The following SORCS2 variants were observed in gnomAD, a reference collection of about 807,000 sequenced individuals.
SORCS2 encodes sortilin related VPS10 domain containing receptor 2, also known as VPS10 domain-containing receptor SorCS2.
SORCS2 carries 100 observed loss-of-function variants against 141.6 expected under a neutral mutation model. The ratio of observed to expected loss-of-function variants is 0.71; its 90% CI spans 0.60 to 0.83. SORCS2 has a LOEUF of 0.83. SORCS2 is among the 40% of genes least tolerant of loss of function. The pLI, the probability that SORCS2 is intolerant of heterozygous loss-of-function variation, is 0.00. For synonymous variants in SORCS2, 789 were observed against 676.9 expected, an observed-to-expected ratio of 1.17 and a Z score of -2.57; for missense variants, 1,646 against 1,560.2, an observed-to-expected ratio of 1.05 and a Z score of -0.93.
At chr4:7,356,143 T>C (rs1253161153) in intron 1 of SORCS2, among the ~76,000 whole-genome samples, 1 of 152,250 alleles carries the variant, frequency 6.6e-6, no homozygotes, top group Non-Finnish European at 1.5e-5. Flanking sequence ...AGAGAGGCTC[T>C]TTCTCCTGCC....
intron 2 of SORCS2, among the ~76,000 whole-genome samples, chr4:7,451,171 AGTGAATAAATGC>A (rs911133023): frequency 6.6e-6 from 1 of 152,234 alleles, no homozygotes; most frequent in Non-Finnish European, 1.5e-5. Flanking sequence ...TCAGCAAGCA[AGTGAATAAATGC>A]GTGAATGAAT....
At chr4:7,311,803 A>G (rs938218517) in intron 1 of SORCS2, among the ~76,000 whole-genome samples, 2 of 152,216 alleles carry the variant, frequency 1.3e-5, no homozygotes, top group Non-Finnish European at 2.9e-5. Flanking sequence ...GTCCTTTATC[A>G]TGTATGTGAT....
chr4:7,193,706 GC>G lies in SORCS2; in HGVS notation c.480+582del, dbSNP rs1207576955. On this transcript the variant is annotated intron_variant, in intron 1 of 26. Transcript: ENST00000507866. The surrounding 1 kb of genome is among the most constrained non-coding windows in gnomAD (Gnocchi z 4.8). ...CCCGCGGCTGTCTTGAGCTCTTGCT[GC>G]CGGTCGCCCCGCCTGGATGCACTGG... Among the ~76,000 whole-genome samples, 1 of 152,188 alleles carries G rather than the reference GC, an allele frequency of 6.6e-6. No individual in the cohort carries two copies. Among genetic ancestry groups the G allele is most frequent in the Non-Finnish European group, 1.5e-5 (1 of 68,022 alleles).
At chr4:7,395,665 C>T (rs1277449169) in intron 1 of SORCS2, among the ~76,000 whole-genome samples, 1 of 152,060 alleles carries the variant, frequency 6.6e-6, no homozygotes. Context: ...TCAGGTGGGC[C>T]CCGTGTGTGA....
At chr4:7,433,757 C>T in intron 2 of SORCS2, 5 of 1,613,404 alleles carry the variant, frequency 3.1e-6, no homozygotes, top group Non-Finnish European at 4.2e-6. Context: ...GCATCATGGA[C>T]TGCCCGGGCC....
intron 2 of SORCS2, among the ~76,000 whole-genome samples, chr4:7,410,322 G>A (rs956544890): frequency 2.0e-5 from 3 of 152,182 alleles, no homozygotes; most frequent in Admixed American, 1.3e-4. Context: ...AGAAAGAGGG[G>A]GACTTCAGAG....
At chr4:7,349,191 C>T (rs551187425) in intron 1 of SORCS2, among the ~76,000 whole-genome samples, 1 of 152,298 alleles carries the variant, frequency 6.6e-6, no homozygotes, top group South Asian at 2.1e-4. Flanking sequence ...GGACCAGGGG[C>T]AGCATGGCTG....
chr4:7,664,584 T>A lies in SORCS2; in HGVS notation c.1071+113T>A. 2 of 716,896 alleles carry A rather than the reference T, an allele frequency of 2.8e-6. No homozygotes were observed. The highest frequency in any genetic ancestry group is 4.6e-6 in the Non-Finnish European group (2 of 431,424). 44.4% of individuals were successfully genotyped at this position (716,896 alleles called of 1,614,324 possible). A position where few individuals can be genotyped will look rare whatever the true frequency, so the allele number is the denominator to read the frequency against. Reference sequence around the variant, plus strand: ...AGAGGCAATAAAACGGGTATTTCACTCTCAAATGCTACTTCGCAGGTCACG... The same window carrying A: ...AGAGGCAATAAAACGGGTATTTCACACTCAAATGCTACTTCGCAGGTCACG... On this transcript the variant is annotated intron_variant, in intron 7 of 26. Transcript: ENST00000507866. The surrounding 1 kb of genome is among the most constrained non-coding windows in gnomAD (Gnocchi z 4.7).
intron 2 of SORCS2, among the ~76,000 whole-genome samples, chr4:7,427,786 A>AG (rs988719482): frequency 1.3e-5 from 2 of 151,652 alleles, no homozygotes; most frequent in African/African-American, 4.9e-5. Flanking sequence ...ATTCATCAGC[A>AG]GGGGATGGCA....
At chr4:7,195,350 C>A (rs1727109535) in intron 1 of SORCS2, among the ~76,000 whole-genome samples, 1 of 152,176 alleles carries the variant, frequency 6.6e-6, no homozygotes, top group South Asian at 2.1e-4. Flanking sequence ...CCGGGCATAG[C>A]CTGACACTTA....
chr4:7,324,721 T>A (rs1451819089), intron 1 of SORCS2, among the ~76,000 whole-genome samples: 1 of 152,160 alleles, frequency 6.6e-6, no homozygotes, highest in Non-Finnish European at 1.5e-5. Flanking sequence ...AAACTCCACC[T>A]TGAGTCCCAT....
At chr4:7,380,543 G>C (rs1021547666) in intron 1 of SORCS2, among the ~76,000 whole-genome samples, 3 of 152,230 alleles carry the variant, frequency 2.0e-5, no homozygotes, top group African/African-American at 7.2e-5. Context: ...GGCTGGAGTA[G>C]AGCATCTGAT....
At chr4:7,387,989 C>A (rs1214461724) in intron 1 of SORCS2, among the ~76,000 whole-genome samples, 3 of 151,428 alleles carry the variant, frequency 2.0e-5, no homozygotes, top group Non-Finnish European at 2.9e-5. Flanking sequence ...TACACATGCA[C>A]ACATGCACAC....
At chr4:7,568,717 T>C (rs1015838234) in intron 3 of SORCS2, among the ~76,000 whole-genome samples, 1 of 152,216 alleles carries the variant, frequency 6.6e-6, no homozygotes, top group Admixed American at 6.5e-5. Context: ...CCCACCAGGT[T>C]CCTGTGAGTT....
At chr4:7,588,569 C>G (rs1030724484) in intron 3 of SORCS2, among the ~76,000 whole-genome samples, 1 of 152,114 alleles carries the variant, frequency 6.6e-6, no homozygotes, top group Non-Finnish European at 1.5e-5. Flanking sequence ...GTTGAAGAGC[C>G]CCCCTCTGAC....
In SORCS2 at chr4:7,641,224, A is replaced by C. The variant is rs368906995; in HGVS notation, c.813+2732A>C. Among the ~76,000 whole-genome samples the C allele has an allele frequency of 2.2e-4, 33 of 152,304 alleles. No homozygotes were observed. In the East Asian group the frequency reaches 6.0e-3, roughly 28 times the overall value. ...AGAACTACCTGAGACTGATTAATTT[A>C]TGAAGAAAGAGGTTTAATTGACTCA... On this transcript the variant is annotated intron_variant, in intron 4 of 26. Transcript: ENST00000507866.
intron 1 of SORCS2, among the ~76,000 whole-genome samples, chr4:7,369,550 G>A (rs77730350): frequency 0.012 from 1,853 of 152,270 alleles, 37 homozygotes; most frequent in African/African-American, 0.041. Flanking sequence ...ACTTGGGGGC[G>A]TGTCTACCCC....
chr4:7,477,607 C>A (rs1383542895), intron 2 of SORCS2, among the ~76,000 whole-genome samples: 1 of 152,174 alleles, frequency 6.6e-6, no homozygotes, highest in Non-Finnish European at 1.5e-5. Context: ...GCTTGTCTGA[C>A]CCCCAGAGCA....
At chr4:7,730,120 A>G (rs1369900315) in intron 23 of SORCS2, among the ~76,000 whole-genome samples, 3 of 152,146 alleles carry the variant, frequency 2.0e-5, no homozygotes, top group African/African-American at 7.2e-5. Flanking sequence ...GCAGTTAGCA[A>G]ATGTCTTTAT....
Sources: gnomAD v4.1 joint callset for allele counts (sites outside exome capture counted in the v4.1 genomes callset) on GRCh38, gnomAD v4.1.1 for gene constraint, Gnocchi (gnomAD v3.1) non-coding constraint, MANE v1.5 for transcripts, NCBI Gene and HGNC (gene_info 2026-07-23, HGNC 2026-07-21) for gene names.